Variants in RAPH1 observed in about 807,000 individuals in gnomAD.
RAPH1 encodes Ras association (RalGDS/AF-6) and pleckstrin homology domains 1, also known as ras-associated and pleckstrin homology domains-containing protein 1.
In RAPH1, 18 loss-of-function variants were observed where a neutral mutation model predicts 88.1. The ratio of observed to expected loss-of-function variants is 0.20; its 90% confidence interval spans 0.14 to 0.30. RAPH1 has a LOEUF of 0.30. Ranked by LOEUF, RAPH1 falls within the 10% of genes least tolerant of loss-of-function variation. The probability of loss-of-function intolerance (pLI) is 1.00; values close to 1 mark genes in which losing one functional copy is unlikely to be tolerated. For synonymous variants in RAPH1, 587 were observed against 559.0 expected (o/e 1.05, Z -0.71); for missense variants, 1,448 against 1,543.2 (o/e 0.94, Z 1.03).
chr2:203,439,447 C>T lies in RAPH1; in HGVS notation c.3743G>A (p.Arg1248Lys). 1 of 1,613,710 alleles carries T rather than the reference C, an allele frequency of 6.2e-7. No homozygotes were observed. The highest frequency in any genetic ancestry group is 8.5e-7 in the Non-Finnish European group (1 of 1,179,796). The change falls in exon 14 of 14, where the codon AGA (arginine) becomes AAA (lysine). Residue 1248 changes from arginine to lysine, a missense_variant. Around this residue, in one of 2 missense-constraint regions of RAPH1, gnomAD observed 935 missense variants for 890.1 expected, o/e 1.05. Coordinates refer to ENST00000319170, the MANE Select transcript of RAPH1 (RefSeq NM_213589.3). ...AAAGTCCTATGGTGGCTACCAGTCT[C>T]TGGAGAGCTTGGTGTTCTGGTCTCT... The part of the protein sequence containing the change: ...PKRDQNTKLS[R>K]DW
chr2:203,457,571 T>C lies in RAPH1; in HGVS notation c.1117A>G (p.Thr373Ala). ...PQNYLLGKKE[T>A]AEMADRNKEV... The stretch of plus-strand genomic sequence containing the variant: ...TTGTTTCTATCTGCCATCTCAGCTG[T>C]TTCTTTTTTCCCCAAAAGATAATTC... The change falls in exon 8 of 14, where the codon ACA (threonine) becomes GCA (alanine). Residue 373 changes from threonine (T) to alanine (A), a missense_variant. By Grantham distance (58) the Thr-to-Ala change is moderately conservative. Transcript: ENST00000319170. 1.2e-6 allele frequency: 2 copies of C among 1,612,526 alleles called. No individual in the cohort carries two copies. The highest frequency in any genetic ancestry group is 1.7e-6 in the Non-Finnish European group (2 of 1,178,574).
In RAPH1 at chr2:203,495,335, C is replaced by A; in HGVS notation, c.19G>T (p.Glu7Ter). 2 of 1,613,966 alleles carry A rather than the reference C, an allele frequency of 1.2e-6. No individual in the cohort carries two copies. The highest frequency in any genetic ancestry group is 1.7e-6 in the Non-Finnish European group (2 of 1,179,952). Reference protein sequence around the residue: MEQLSDEEIDHGAEEDS... With the variant: MEQLSD Reference sequence around the variant, plus strand: ...TCTTCAGCACCATGATCAATTTCTTCATCTGATAGCTGCTCCATCTGAAAT... The same window carrying A: ...TCTTCAGCACCATGATCAATTTCTTAATCTGATAGCTGCTCCATCTGAAAT... The change falls in exon 2 of 14, where the codon GAA (glutamate) becomes TAA (stop). Residue 7 changes from glutamate to a stop codon, truncating the protein, a stop_gained. Coordinates refer to ENST00000319170, the MANE Select transcript of RAPH1 (RefSeq NM_213589.3). LOFTEE classifies it high-confidence loss of function.
intron 4 of RAPH1, among the ~76,000 whole-genome samples, chr2:203,487,223 G>C (rs1688010420): frequency 6.6e-6 from 1 of 152,146 alleles, no homozygotes; most frequent in Admixed American, 6.5e-5. Context: ...TGATTGGAAG[G>C]AATATCAACA....
intron 1 of RAPH1, among the ~76,000 whole-genome samples, chr2:203,499,183 T>C (rs1009751699): frequency 1.3e-5 from 2 of 152,232 alleles, no homozygotes; most frequent in African/African-American, 2.4e-5. Context: ...GTTTTTTTCC[T>C]ACTGTTCAAA....
In RAPH1 at chr2:203,441,425, A is replaced by T. The variant is rs775078033; in HGVS notation, c.1777-12T>A. 3 of 1,520,716 alleles carry T rather than the reference A, an allele frequency of 2.0e-6. No homozygotes were observed. In the Admixed American group the frequency reaches 6.6e-5, roughly 33 times the overall value. 94.2% of individuals were successfully genotyped at this position (1,520,716 alleles called of 1,614,324 possible). On this transcript the variant is annotated splice_polypyrimidine_tract_variant and intron_variant, in intron 13 of 13. Transcript: ENST00000319170. Reference sequence around the variant, plus strand: ...GACTCCATTCTGGCCTAAAAGGAGTATAAAAAGGGAGTGGGAGAGAGAAAA... The same window carrying T: ...GACTCCATTCTGGCCTAAAAGGAGTTTAAAAAGGGAGTGGGAGAGAGAAAA...
intron 12 of RAPH1, 44 bp downstream of exon 12, chr2:203,447,915 T>C (rs2098511409): frequency 6.2e-7 from 1 of 1,608,434 alleles, no homozygotes; most frequent in Non-Finnish European, 8.5e-7. Context: ...TACAGAGACC[T>C]TCATATTAAT....
At chr2:203,443,864 C>A (rs1331193488) in intron 13 of RAPH1, 2 of 152,098 alleles carry the variant, frequency 1.3e-5, no homozygotes, top group Non-Finnish European at 2.9e-5. Flanking sequence ...CCTGTAGTCC[C>A]AACTACTCAG....
intron 4 of RAPH1, among the ~76,000 whole-genome samples, chr2:203,470,750 C>A (rs988252711): frequency 2.6e-5 from 4 of 152,174 alleles, no homozygotes; most frequent in Admixed American, 2.6e-4. Flanking sequence ...TAGAATAAGA[C>A]GACATCATTT....
chr2:203,443,985 CGGGAAA>C (rs949359946), intron 13 of RAPH1: 4 of 124,084 alleles, frequency 3.2e-5, no homozygotes, highest in South Asian at 3.0e-4. Context: ...GCCTGGGTGA[CGGGAAA>C]GGGAGAGGGA....
intron 10 of RAPH1, among the ~76,000 whole-genome samples, chr2:203,451,050 A>G (rs929918191): frequency 3.3e-5 from 5 of 152,162 alleles, no homozygotes; most frequent in Admixed American, 2.6e-4. Flanking sequence ...CAAGTATCAG[A>G]TTACTGCTAG....
At position 203,441,257 on chromosome 2, in the gene RAPH1, G is replaced by A. The variant is rs754902360; in HGVS notation, c.1933C>T (p.Pro645Ser). The A allele has an allele frequency of 2.9e-6, 4 of 1,370,048 alleles. No homozygotes were observed. In the South Asian group the frequency reaches 4.1e-5, roughly 14 times the overall value. The allele number at this position is 1,370,048 out of a possible 1,614,324, so 84.9% of individuals were successfully genotyped here. Residue 645 changes from proline (P) to serine (S), a missense_variant, in exon 14 of 14, where the codon CCT becomes TCT. Pro to Ser is a moderately conservative substitution (Grantham distance 74, BLOSUM62 -1). This residue lies in a region of RAPH1 where 935 missense variants were observed against 890.1 expected (regional missense o/e 1.05). Coordinates refer to ENST00000319170, the MANE Select transcript of RAPH1 (RefSeq NM_213589.3). ...PPPPPPPPPP[P>S]PPPLPSQSAP... is the part of the protein sequence containing the mutation. ...GACTGGCTGGGGAGTGGGGGAGGAG[G>A]GGGTGGTGGAGGGGGTGGTGGAGGA...
At chr2:203,481,578 T>C (rs1340543170) in intron 4 of RAPH1, among the ~76,000 whole-genome samples, 1 of 147,328 alleles carries the variant, frequency 6.8e-6, no homozygotes, top group African/African-American at 2.5e-5. Context: ...AATATATATA[T>C]ATATATATAT....
intron 2 of RAPH1, among the ~76,000 whole-genome samples, chr2:203,493,409 A>C (rs189279808): frequency 6.6e-6 from 1 of 152,296 alleles, no homozygotes. Context: ...CACATGGTCA[A>C]GAACACCCCA....
At chr2:203,502,570 A>G (rs1688780305) in intron 1 of RAPH1, among the ~76,000 whole-genome samples, 1 of 152,198 alleles carries the variant, frequency 6.6e-6, no homozygotes, top group African/African-American at 2.4e-5. Context: ...ACCCCTTAGA[A>G]AAAGAATTTG....
Position 203,436,475 on chromosome 2 carries a change from T to C in RAPH1, c.*2962A>G, listed in dbSNP as rs2098498612. On this transcript the variant is annotated 3_prime_UTR_variant, in exon 14 of 14. Coordinates refer to ENST00000319170, the MANE Select transcript of RAPH1 (RefSeq NM_213589.3). ...TACAGAATATCTAATAAACCATAAGTTATTTTACTGAGAATAGATTCTGCT... is the reference window on the plus strand; with the variant it reads ...TACAGAATATCTAATAAACCATAAGCTATTTTACTGAGAATAGATTCTGCT... The C allele has an allele frequency of 6.6e-6, 1 of 152,186 alleles. No homozygotes were observed. Among genetic ancestry groups the C allele is most frequent in the African/African-American group, 2.4e-5 (1 of 41,438 alleles). 9.4% of individuals were successfully genotyped at this position (152,186 alleles called of 1,614,324 possible). A position where few individuals can be genotyped will look rare whatever the true frequency, so the allele number is the denominator to read the frequency against.
At chr2:203,530,119 TA>T (rs1351307715) in intron 1 of RAPH1, among the ~76,000 whole-genome samples, 2 of 152,318 alleles carry the variant, frequency 1.3e-5, no homozygotes, top group Admixed American at 1.3e-4. Context: ...TTATAAGACA[TA>T]AGTGATATAG....
chr2:203,498,372 G>A (rs1047420715), intron 1 of RAPH1, among the ~76,000 whole-genome samples: 1 of 152,150 alleles, frequency 6.6e-6, no homozygotes, highest in Admixed American at 6.5e-5. Flanking sequence ...TGTGATGTAT[G>A]AACATCGTAA....
In RAPH1 at chr2:203,437,975, GA is replaced by G; in HGVS notation, c.*1461del. The G allele has an allele frequency of 2.9e-6, 1 of 342,380 alleles. No individual in the cohort carries two copies. The highest frequency in any genetic ancestry group is 5.8e-6 in the Non-Finnish European group (1 of 173,714). The allele number at this position is 342,380 out of a possible 1,614,324, so 21.2% of individuals were successfully genotyped here. On this transcript the variant is annotated 3_prime_UTR_variant, in exon 14 of 14. Transcript: ENST00000319170. ...ATAGTCCAATTTATCATAAGTTGAT[GA>G]GAGTACTTATTTCTCTCATGTACCA... is the stretch of plus-strand genomic sequence containing the variant.
In RAPH1 at chr2:203,437,311, A is replaced by G. The variant is rs560024532; in HGVS notation, c.*2126T>C. The G allele has an allele frequency of 3.3e-5, 5 of 152,296 alleles. No individual in the cohort carries two copies. Among genetic ancestry groups the G allele is most frequent in the African/African-American group, 9.6e-5 (4 of 41,546 alleles). 9.4% of individuals were successfully genotyped at this position (152,296 alleles called of 1,614,324 possible). A position where few individuals can be genotyped will look rare whatever the true frequency, so the allele number is the denominator to read the frequency against. ...AAAATCACCACCACAATAAAACTCA[A>G]AACCTCAGGGATGAATACTTTGATA... On this transcript the variant is annotated 3_prime_UTR_variant, in exon 14 of 14. Transcript: ENST00000319170.
Sources: allele counts gnomAD v4.1 joint callset (sites outside exome capture counted in the v4.1 genomes callset), GRCh38; gene constraint gnomAD v4.1.1; regional missense constraint gnomAD v4.1.1; transcripts MANE v1.5; gene names NCBI Gene and HGNC (gene_info 2026-07-23, HGNC 2026-07-21).